Variants in PARP15 observed in about 807,000 individuals in gnomAD.
The protein encoded by PARP15 is protein mono-ADP-ribosyltransferase PARP15.
PARP15 carries 50 observed loss-of-function variants against 62.1 expected under a neutral mutation model. That is an observed-to-expected ratio of 0.81 (90% CI 0.64 to 1.02). The LOEUF is 1.02. Ranked by LOEUF, PARP15 falls within the 50% of genes least tolerant of loss-of-function variation. The pLI is 0.00. For synonymous variants in PARP15, 309 were observed against 293.1 expected, an observed-to-expected ratio of 1.05 and a Z score of -0.55; for missense variants, 820 against 826.5, an observed-to-expected ratio of 0.99 and a Z score of 0.10.
At chr3:122,594,408 T>G (rs1466760890) in intron 1 of PARP15, 3 of 360,942 alleles carry the variant, frequency 8.3e-6, no homozygotes, top group Non-Finnish European at 1.2e-5. Context: ...GAGAAAACAA[T>G]ATTGTGTAAC....
chr3:122,604,816 G>A lies in PARP15; in HGVS notation c.187-1120G>A, dbSNP rs148298952. ...GCAGAGGTTGCAGTGAGCCAAAATC[G>A]TGCCATTACACTCCAGCCTGGGTGA... On this transcript the variant is annotated intron_variant, in intron 1 of 11. Coordinates refer to ENST00000464300, the MANE Select transcript of PARP15 (RefSeq NM_001113523.3). Among the ~76,000 whole-genome samples, 293 of 149,552 alleles carry A rather than the reference G, an allele frequency of 2.0e-3. 2 individuals carry two copies. In the East Asian group the frequency reaches 0.032, roughly 16 times the overall value.
At chr3:122,622,480 A>G (rs1412034344) in intron 8 of PARP15, among the ~76,000 whole-genome samples, 2 of 152,162 alleles carry the variant, frequency 1.3e-5, no homozygotes, top group Non-Finnish European at 2.9e-5. Context: ...ATCTTCTTCC[A>G]GAGAGTTGTT....
chr3:122,607,965 T>A (rs1935267268), intron 2 of PARP15, among the ~76,000 whole-genome samples: 1 of 152,194 alleles, frequency 6.6e-6, no homozygotes, highest in African/African-American at 2.4e-5. Context: ...ATCTGTCCTC[T>A]ACATCACTGT....
intron 9 of PARP15, among the ~76,000 whole-genome samples, chr3:122,630,190 A>T (rs943751522): frequency 3.9e-5 from 6 of 152,268 alleles, no homozygotes; most frequent in African/African-American, 1.4e-4. Context: ...AGTGCTCCTT[A>T]CTTTGATAAT....
chr3:122,615,495 CA>C (rs1212007144), intron 4 of PARP15: 4 of 1,187,058 alleles, frequency 3.4e-6, no homozygotes, highest in Non-Finnish European at 3.3e-6. Flanking sequence ...ATAGTGGTCA[CA>C]AAAAAGGCAT....
chr3:122,592,627 A>G (rs944507549), intron 1 of PARP15, among the ~76,000 whole-genome samples: 1 of 152,040 alleles, frequency 6.6e-6, no homozygotes, highest in Non-Finnish European at 1.5e-5. Flanking sequence ...TTAAAAAAAA[A>G]AAAAGAAAAC....
intron 2 of PARP15, among the ~76,000 whole-genome samples, chr3:122,607,667 A>G (rs953948312): frequency 3.3e-5 from 5 of 152,222 alleles, no homozygotes; most frequent in Non-Finnish European, 7.3e-5. Context: ...AGGTCTTTTC[A>G]CTATGCAGTC....
At chr3:122,578,275 A>C (rs1559913078) in intron 1 of PARP15, among the ~76,000 whole-genome samples, 1 of 152,070 alleles carries the variant, frequency 6.6e-6, no homozygotes, top group South Asian at 2.1e-4. Context: ...ACTTTTAGTC[A>C]TATTTTAATA....
intron 10 of PARP15, among the ~76,000 whole-genome samples, chr3:122,633,832 G>A (rs1423962277): frequency 3.3e-5 from 5 of 152,154 alleles, no homozygotes; most frequent in Admixed American, 3.3e-4. Context: ...CAATATCTGT[G>A]ACTTTCTTGG....
intron 1 of PARP15, among the ~76,000 whole-genome samples, chr3:122,582,761 CCT>C (rs1420454522): frequency 8.5e-6 from 1 of 117,402 alleles, no homozygotes; most frequent in East Asian, 3.2e-4. Context: ...CCTGTACCTT[CCT>C]CTCTCTCTTT....
intron 1 of PARP15, among the ~76,000 whole-genome samples, chr3:122,598,114 G>A (rs1934499271): frequency 6.6e-6 from 1 of 152,120 alleles, no homozygotes; most frequent in Non-Finnish European, 1.5e-5. Flanking sequence ...GTTAGAGCTT[G>A]GCTCTCAGCA....
At chr3:122,630,990 A>G (rs1421157986) in intron 9 of PARP15, among the ~76,000 whole-genome samples, 1 of 152,166 alleles carries the variant, frequency 6.6e-6, no homozygotes, top group Non-Finnish European at 1.5e-5. Context: ...TTCTGATTCC[A>G]AGTCCTGATA....
intron 8 of PARP15, among the ~76,000 whole-genome samples, chr3:122,624,606 C>CT (rs1489611378): frequency 6.6e-6 from 1 of 152,164 alleles, no homozygotes; most frequent in East Asian, 1.9e-4. Context: ...GGTTATATGA[C>CT]TTAGTAAAAT....
chr3:122,605,770 CA>C (rs1935119879), intron 1 of PARP15, among the ~76,000 whole-genome samples, 165 bp from the exon 2 acceptor site: 1 of 151,994 alleles, frequency 6.6e-6, no homozygotes, highest in Non-Finnish European at 1.5e-5. Flanking sequence ...TTCGTAGAGA[CA>C]GGGTCTCAAT....
intron 1 of PARP15, among the ~76,000 whole-genome samples, chr3:122,590,764 A>T (rs973040361): frequency 2.0e-5 from 3 of 152,234 alleles, no homozygotes; most frequent in Non-Finnish European, 4.4e-5. Context: ...GAAAAATGGA[A>T]GTCAGAGTCT....
rs149314954 is a variant in PARP15 at position 122,635,162 on chromosome 3, A to G, written c.1715A>G (p.His572Arg). ...DADSVPYVNQ[H>R]GFNRSCAGKN... The stretch of plus-strand genomic sequence containing the variant: ...GACTCAGTGCCATATGTCAATCAGC[A>G]CGGCTTTAATAGAAGTTGTGCTGGG... The change falls in exon 11 of 12, where the codon CAC becomes CGC. Residue 572 changes from histidine (H) to arginine (R), a missense_variant. His to Arg is a conservative substitution (Grantham distance 29, BLOSUM62 0). Transcript: ENST00000464300. 4.9e-5 allele frequency: 79 copies of G among 1,613,932 alleles called. No homozygotes were observed. The African/African-American group carries it at 8.5e-4, about 17-fold the overall frequency.
chr3:122,594,673 A>G, intron 1 of PARP15: 1 of 921,938 alleles, frequency 1.1e-6, no homozygotes, highest in Non-Finnish European at 1.3e-6. Context: ...TCTAAATCAA[A>G]TTACTTTTAA....
intron 1 of PARP15, among the ~76,000 whole-genome samples, chr3:122,600,889 C>G (rs1934735268): frequency 1.3e-5 from 2 of 151,790 alleles, no homozygotes; most frequent in South Asian, 2.1e-4. Flanking sequence ...CCCCCCTCCC[C>G]TAGTTTCCCC....
chr3:122,612,938 A>G (rs899949723), intron 3 of PARP15, 103 bp from the exon 4 acceptor site: 14 of 1,012,720 alleles, frequency 1.4e-5, no homozygotes, highest in Admixed American at 4.3e-5. Flanking sequence ...GACTAAGCCA[A>G]CAATAGCAGA....
Sources: gnomAD v4.1 joint callset for allele counts (sites outside exome capture counted in the v4.1 genomes callset) on GRCh38, gnomAD v4.1.1 for gene constraint, MANE v1.5 for transcripts, NCBI Gene and HGNC (gene_info 2026-07-23, HGNC 2026-07-21) for gene names.